Variants in PLXNA2 observed in about 807,000 individuals in gnomAD.
PLXNA2 encodes plexin A2, also known as plexin-A2.
In PLXNA2, 91 loss-of-function variants were observed where a neutral mutation model predicts 193.5. The observed-to-expected ratio is 0.47, with a 90% CI of 0.40 to 0.56. The LOEUF is 0.56. Ranked by LOEUF, PLXNA2 falls within the 20% of genes least tolerant of loss-of-function variation. PLXNA2 has a pLI of 0.00. For missense variants in PLXNA2, 1,995 were observed against 2,503.2 expected (o/e 0.80, Z 4.33); for synonymous variants, 997 against 1,027.3 (o/e 0.97, Z 0.56).
At chr1:208,109,476 C>G (rs966570029) in intron 4 of PLXNA2, among the ~76,000 whole-genome samples, 4 of 152,192 alleles carry the variant, frequency 2.6e-5, no homozygotes, top group Non-Finnish European at 4.4e-5. Flanking sequence ...GGACAGAGAT[C>G]AATAACGCAG....
chr1:208,082,211 G>T lies in PLXNA2; in HGVS notation c.2395+201C>A, dbSNP rs1203012675. On this transcript the variant is annotated intron_variant, in intron 11 of 31. Transcript: ENST00000367033. The surrounding 1 kb of genome is among the most constrained non-coding windows in gnomAD (Gnocchi z 4.2). ...ATGGGCCGGCGGCCGCCCAGCGGAT[G>T]CTCTGGTTGTAATAAAACAGGGCTC... Among the ~76,000 whole-genome samples, 1 of 152,198 alleles carries T rather than the reference G, an allele frequency of 6.6e-6. No homozygotes were observed.
At chr1:208,114,926 T>A (rs569963159) in intron 4 of PLXNA2, among the ~76,000 whole-genome samples, 1 of 152,358 alleles carries the variant, frequency 6.6e-6, no homozygotes, top group South Asian at 2.1e-4. Context: ...AATCTCTGCC[T>A]AAGGGGAAAC....
intron 17 of PLXNA2, among the ~76,000 whole-genome samples, chr1:208,046,561 AGTGTGTGTGTGTGT>A (rs146562998): frequency 6.7e-6 from 1 of 149,096 alleles, no homozygotes; most frequent in East Asian, 2.0e-4. Flanking sequence ...TGTGTGCATG[AGTGTGTGTGTGTGT>A]GTGTATGTGT....
chr1:208,107,582 G>C (rs1436667560), intron 4 of PLXNA2, among the ~76,000 whole-genome samples: 2 of 152,152 alleles, frequency 1.3e-5, no homozygotes, highest in African/African-American at 4.8e-5. Flanking sequence ...GTCGGGTGGG[G>C]AGGGAGATGT....
chr1:208,096,935 A>T (rs1157026431), intron 6 of PLXNA2, 52 bp from the exon 7 acceptor site: 2 of 1,561,934 alleles, frequency 1.3e-6, no homozygotes, highest in African/African-American at 1.4e-5. Context: ...GGAGACCTGG[A>T]CTCCAGGTCC....
At chr1:208,068,206 C>A (rs914000063) in intron 12 of PLXNA2, among the ~76,000 whole-genome samples, 1 of 152,184 alleles carries the variant, frequency 6.6e-6, no homozygotes, top group African/African-American at 2.4e-5. Context: ...TAAATATCCC[C>A]AATTCTCTGT....
intron 29 of PLXNA2, chr1:208,030,224 G>A: frequency 1.0e-6 from 1 of 985,530 alleles, no homozygotes; most frequent in Non-Finnish European, 1.2e-6. Flanking sequence ...GGCAGCCTTG[G>A]GTAGTTTCTG....
At chr1:208,167,933 T>C (rs534319945) in intron 3 of PLXNA2, among the ~76,000 whole-genome samples, 1 of 152,320 alleles carries the variant, frequency 6.6e-6, no homozygotes, top group South Asian at 2.1e-4. Flanking sequence ...AGAATTGCTC[T>C]CTGGCTTGGG....
chr1:208,032,897 T>A (rs11804763), intron 28 of PLXNA2, among the ~76,000 whole-genome samples: 1 of 152,122 alleles, frequency 6.6e-6, no homozygotes, highest in Non-Finnish European at 1.5e-5. Context: ...GAGTTACTCC[T>A]CTGAAGTGAA....
At chr1:208,149,790 G>C (rs1173120783) in intron 3 of PLXNA2, among the ~76,000 whole-genome samples, 1 of 152,210 alleles carries the variant, frequency 6.6e-6, no homozygotes, top group Admixed American at 6.5e-5. Context: ...GGTAAATTCT[G>C]TCTCTGAGAC....
chr1:208,120,089 C>T (rs1667758291), intron 4 of PLXNA2, among the ~76,000 whole-genome samples: 1 of 152,186 alleles, frequency 6.6e-6, no homozygotes, highest in Non-Finnish European at 1.5e-5. Context: ...TGTCTCTGCA[C>T]CTTTGGCTGG....
At chr1:208,118,834 C>T (rs1409493526) in intron 4 of PLXNA2, among the ~76,000 whole-genome samples, 2 of 151,878 alleles carry the variant, frequency 1.3e-5, no homozygotes, top group Non-Finnish European at 2.9e-5. Context: ...TTATTTGGTG[C>T]ATGCCGGGTC....
intron 3 of PLXNA2, among the ~76,000 whole-genome samples, chr1:208,154,627 G>A (rs903422836): frequency 2.0e-5 from 3 of 152,234 alleles, no homozygotes; most frequent in African/African-American, 7.2e-5. Flanking sequence ...AGCAAGAGAC[G>A]ATGGAAGTGA....
chr1:208,027,091 G>T lies in PLXNA2; in HGVS notation c.*152C>A, dbSNP rs767251102. The T allele has an allele frequency of 2.1e-5, 14 of 669,906 alleles. No individual in the cohort carries two copies. The highest frequency in any genetic ancestry group is 2.5e-5 in the Non-Finnish European group (10 of 394,816). The allele number at this position is 669,906 out of a possible 1,614,324, so 41.5% of individuals were successfully genotyped here. On this transcript the variant is annotated 3_prime_UTR_variant, in exon 32 of 32. Transcript: ENST00000367033. The stretch of plus-strand genomic sequence containing the variant: ...CTGGCTATGACGAAACTTGGCTGGC[G>T]TAGGGAGAGGAGTCCTCCCCTCTCC...
At chr1:208,115,678 T>C (rs1667614514) in intron 4 of PLXNA2, among the ~76,000 whole-genome samples, 1 of 152,140 alleles carries the variant, frequency 6.6e-6, no homozygotes, top group African/African-American at 2.4e-5. Flanking sequence ...GACATTAAGT[T>C]CACAGAATGC....
At chr1:208,033,586 C>G in intron 27 of PLXNA2, 77 bp from the exon 28 acceptor site, 2 of 1,225,048 alleles carry the variant, frequency 1.6e-6, no homozygotes, top group Non-Finnish European at 2.3e-6. Context: ...AGAATCCCTG[C>G]CCGCCTGCTG....
chr1:208,096,349 A>G (rs1019425046), intron 7 of PLXNA2, among the ~76,000 whole-genome samples: 3 of 152,178 alleles, frequency 2.0e-5, no homozygotes, highest in African/African-American at 4.8e-5. Context: ...GCAGGGAGGA[A>G]GAAGCAGATT....
At chr1:208,073,973 C>T (rs1666056230) in intron 12 of PLXNA2, among the ~76,000 whole-genome samples, 1 of 152,202 alleles carries the variant, frequency 6.6e-6, no homozygotes, top group African/African-American at 2.4e-5. Context: ...TCTTGAAGTT[C>T]AGACCTCCAA....
chr1:208,237,975 G>A (rs1034881059), intron 1 of PLXNA2, among the ~76,000 whole-genome samples: 2 of 152,146 alleles, frequency 1.3e-5, no homozygotes, highest in East Asian at 1.9e-4. Context: ...TCCAATTCCC[G>A]CTTTCAGTGT....
Sources: gnomAD v4.1 joint callset for allele counts (sites outside exome capture counted in the v4.1 genomes callset) on GRCh38, gnomAD v4.1.1 for gene constraint, Gnocchi (gnomAD v3.1) non-coding constraint, MANE v1.5 for transcripts, NCBI Gene and HGNC (gene_info 2026-07-23, HGNC 2026-07-21) for gene names.